The following YPEL2 variants were observed in gnomAD, a reference collection of about 807,000 sequenced individuals.
The protein encoded by YPEL2 is protein yippee-like 2.
YPEL2 carries 2 observed loss-of-function variants against 19.1 expected under a neutral mutation model. That is an observed-to-expected ratio of 0.10 (90% CI 0.04 to 0.33). YPEL2 has a LOEUF of 0.33. Ranked by LOEUF, YPEL2 falls within the 10% of genes least tolerant of loss-of-function variation. YPEL2 has a pLI of 1.00. For missense variants in YPEL2, 66 were observed against 140.7 expected (o/e 0.47, Z 2.68); for synonymous variants, 52 against 50.0 (o/e 1.04, Z -0.17).
At chr17:59,386,240 T>C (rs539713706) in intron 2 of YPEL2, among the ~76,000 whole-genome samples, 2 of 150,390 alleles carry the variant, frequency 1.3e-5, no homozygotes, top group African/African-American at 4.9e-5. Context: ...GGCAGGAGGA[T>C]CGCTTGAGCC....
intron 2 of YPEL2, among the ~76,000 whole-genome samples, chr17:59,383,039 C>G (rs1313908987): frequency 6.6e-6 from 1 of 151,986 alleles, no homozygotes; most frequent in Non-Finnish European, 1.5e-5. Flanking sequence ...GGTTCAAACC[C>G]CTCTGAAACT....
At chr17:59,347,225 T>G (rs1006365372) in intron 1 of YPEL2, among the ~76,000 whole-genome samples, 3 of 152,156 alleles carry the variant, frequency 2.0e-5, no homozygotes, top group African/African-American at 7.2e-5. Context: ...TCCAGAGAGG[T>G]TAGGTAATTT....
chr17:59,365,624 ACAAAAC>A (rs1181924979), intron 2 of YPEL2, among the ~76,000 whole-genome samples: 5 of 152,228 alleles, frequency 3.3e-5, no homozygotes, highest in Non-Finnish European at 7.3e-5. Flanking sequence ...TCTTGAAAGA[ACAAAAC>A]CAAAAGAGAA....
chr17:59,386,344 A>G (rs1368314821), intron 2 of YPEL2, among the ~76,000 whole-genome samples: 1 of 151,936 alleles, frequency 6.6e-6, no homozygotes, highest in Non-Finnish European at 1.5e-5. Flanking sequence ...AAAAAAGGAA[A>G]GAAAGAAAAA....
At chr17:59,377,020 C>T (rs372404141) in intron 2 of YPEL2, among the ~76,000 whole-genome samples, 19 of 149,340 alleles carry the variant, frequency 1.3e-4, no homozygotes, top group African/African-American at 1.5e-4. Flanking sequence ...GCAATCCCTT[C>T]TGTAGCATGT....
At position 59,401,572 on chromosome 17, in the gene YPEL2, G is replaced by A. The variant is rs2048071402; in HGVS notation, c.*4382G>A. Reference sequence around the variant, plus strand: ...TTGGTGGCATTTTTCAGGTCACTTTGCTTCTATAACAAAGGTAATTGTTTT... The same window carrying A: ...TTGGTGGCATTTTTCAGGTCACTTTACTTCTATAACAAAGGTAATTGTTTT... On this transcript the variant is annotated 3_prime_UTR_variant, in exon 5 of 5. Transcript: ENST00000312655. The A allele has an allele frequency of 6.6e-6, 1 of 152,576 alleles. No individual in the cohort carries two copies. Among genetic ancestry groups the A allele is most frequent in the South Asian group, 2.1e-4 (1 of 4,828 alleles). 9.5% of individuals were successfully genotyped at this position (152,576 alleles called of 1,614,324 possible).
At chr17:59,350,702 C>A (rs1279069474) in intron 1 of YPEL2, among the ~76,000 whole-genome samples, 1 of 152,206 alleles carries the variant, frequency 6.6e-6, no homozygotes, top group Non-Finnish European at 1.5e-5. Flanking sequence ...TAACCAGAAA[C>A]TTCTACCTGT....
chr17:59,353,763 G>A lies in YPEL2; in HGVS notation c.117+237G>A. On this transcript the variant is annotated intron_variant, in intron 2 of 4. Transcript: ENST00000312655. This position sits in a 1 kb window ranked among gnomAD's most constrained non-coding sequence, Gnocchi z 4.8. ...ATCCTTGTTGGAGGCTTTGGGAGCT[G>A]GCAGCTTGCAAGCCAGAGAAGGGAG... 2.1e-6 allele frequency: 1 copy of A among 480,264 alleles called. No homozygotes were observed. Among genetic ancestry groups the A allele is most frequent in the Non-Finnish European group, 3.9e-6 (1 of 254,764 alleles). The allele number at this position is 480,264 out of a possible 1,614,324, so 29.8% of individuals were successfully genotyped here.
chr17:59,349,037 A>G (rs562297710), intron 1 of YPEL2, among the ~76,000 whole-genome samples: 46 of 151,482 alleles, frequency 3.0e-4, no homozygotes, highest in Non-Finnish European at 6.1e-4. Flanking sequence ...AGCCGGGCGT[A>G]GTGGCGGGCG....
chr17:59,391,318 G>A (rs1372801787), intron 4 of YPEL2, among the ~76,000 whole-genome samples: 1 of 152,132 alleles, frequency 6.6e-6, no homozygotes, highest in Non-Finnish European at 1.5e-5. Flanking sequence ...TTTGATAGTG[G>A]GGGAGTCTGG....
intron 2 of YPEL2, among the ~76,000 whole-genome samples, chr17:59,357,209 A>G (rs1286452485): frequency 6.6e-6 from 1 of 152,210 alleles, no homozygotes; most frequent in Non-Finnish European, 1.5e-5. Context: ...GTCCAAAAGA[A>G]AAGAACAAAA....
At chr17:59,336,349 T>C (rs902939252) in intron 1 of YPEL2, among the ~76,000 whole-genome samples, 3 of 152,208 alleles carry the variant, frequency 2.0e-5, no homozygotes, top group Admixed American at 2.0e-4. Flanking sequence ...TAAACAACTC[T>C]TACCTACCCC....
intron 2 of YPEL2, among the ~76,000 whole-genome samples, chr17:59,359,722 T>A (rs945934491): frequency 3.9e-5 from 6 of 152,114 alleles, no homozygotes; most frequent in African/African-American, 1.4e-4. Flanking sequence ...GAGGGAAAAA[T>A]CAGATTGCAG....
intron 4 of YPEL2, among the ~76,000 whole-genome samples, chr17:59,393,498 T>G (rs924718721): frequency 6.7e-6 from 1 of 150,060 alleles, no homozygotes. Context: ...TATTTTATTT[T>G]TTATTTTTTT....
intron 2 of YPEL2, among the ~76,000 whole-genome samples, chr17:59,357,935 G>A (rs1424689074): frequency 2.0e-5 from 3 of 152,206 alleles, no homozygotes; most frequent in Non-Finnish European, 4.4e-5. Context: ...TAGTCCAGTG[G>A]AGGTGGGATG....
chr17:59,390,156 A>ATGCCT (rs1381918394), intron 4 of YPEL2, among the ~76,000 whole-genome samples: 9 of 152,066 alleles, frequency 5.9e-5, no homozygotes, highest in African/African-American at 1.9e-4. Context: ...ACGCGTCACC[A>ATGCCT]TGCCTGGCTT....
Position 59,393,768 on chromosome 17 carries a change from G to A in YPEL2, c.271-3333G>A, listed in dbSNP as rs924702247. ...TGTTTAACAAAGCACATCTTGCACC[G>A]CCCTTAATCCATTTAACCCTGAGTG... is the stretch of plus-strand genomic sequence containing the variant. On this transcript the variant is annotated intron_variant, in intron 4 of 4. Transcript: ENST00000312655. Among the ~76,000 whole-genome samples, 18 of 149,608 alleles carry A rather than the reference G, an allele frequency of 1.2e-4. No homozygotes were observed. In the East Asian group the frequency reaches 2.7e-3, roughly 23 times the overall value.
intron 1 of YPEL2, among the ~76,000 whole-genome samples, chr17:59,343,187 G>T (rs1007986990): frequency 6.6e-6 from 1 of 152,200 alleles, no homozygotes; most frequent in African/African-American, 2.4e-5. Flanking sequence ...CCCATGTAAT[G>T]CCCAGATTGG....
chr17:59,351,253 T>C (rs367827857), intron 1 of YPEL2, among the ~76,000 whole-genome samples: 1 of 152,068 alleles, frequency 6.6e-6, no homozygotes, highest in East Asian at 1.9e-4. Context: ...CGGGCGCCTG[T>C]AATTCTAGGT....
Sources: gnomAD v4.1 joint callset for allele counts (sites outside exome capture counted in the v4.1 genomes callset) on GRCh38, gnomAD v4.1.1 for gene constraint, Gnocchi (gnomAD v3.1) non-coding constraint, MANE v1.5 for transcripts, NCBI Gene and HGNC (gene_info 2026-07-23, HGNC 2026-07-21) for gene names.